The following ARHGAP20 variants were observed in gnomAD, a reference collection of about 807,000 sequenced individuals.
The protein encoded by ARHGAP20 is rho GTPase-activating protein 20.
ARHGAP20 carries 34 observed loss-of-function variants against 73.7 expected under a neutral mutation model. The ratio of observed to expected loss-of-function variants is 0.46; its 90% CI spans 0.35 to 0.61. The LOEUF (loss-of-function observed/expected upper bound fraction) is 0.61, where lower values mean the gene tolerates loss of function less well. Among genes scored for constraint, ARHGAP20 ranks in the 20% least tolerant of loss-of-function variants. ARHGAP20 has a pLI of 0.00. For missense variants in ARHGAP20, 1,314 were observed against 1,420.9 expected (o/e 0.92, Z 1.21); for synonymous variants, 523 against 518.2 (o/e 1.01, Z -0.13).
Position 110,580,874 on chromosome 11 carries a change from G to A in ARHGAP20, c.2072C>T (p.Ala691Val). 1.2e-6 allele frequency: 2 copies of A among 1,612,584 alleles called. No individual in the cohort carries two copies. Among genetic ancestry groups the A allele is most frequent in the Non-Finnish European group, 8.5e-7 (1 of 1,178,720 alleles). Reference sequence around the variant, plus strand: ...TCGCCTCAGGCTTTTTGCAGCATTTGCTGCAGCTGTGGACAGGTAGCTGGG... The same window carrying A: ...TCGCCTCAGGCTTTTTGCAGCATTTACTGCAGCTGTGGACAGGTAGCTGGG... ...CTPSYLSTAA[A>V]NAAKSLRRHR... The change falls in exon 15 of 15, where the codon GCA (alanine) becomes GTA (valine). Residue 691 changes from alanine to valine, a missense_variant. This residue lies in a region of ARHGAP20 where 641 missense variants were observed against 636.9 expected (regional missense o/e 1.01). Transcript: ENST00000683387.
chr11:110,619,867 T>G (rs1196515356), intron 4 of ARHGAP20, among the ~76,000 whole-genome samples: 1 of 152,168 alleles, frequency 6.6e-6, no homozygotes, highest in Non-Finnish European at 1.5e-5. Flanking sequence ...AAACTCCTTT[T>G]GGGCTTTTTT....
intron 9 of ARHGAP20, among the ~76,000 whole-genome samples, chr11:110,605,371 T>C (rs1045352510): frequency 2.0e-5 from 3 of 152,220 alleles, no homozygotes; most frequent in African/African-American, 4.8e-5. Context: ...AACAGGAAAA[T>C]AAGTTTCACA....
chr11:110,694,483 T>C (rs1950300183), intron 1 of ARHGAP20, among the ~76,000 whole-genome samples: 1 of 151,766 alleles, frequency 6.6e-6, no homozygotes, highest in African/African-American at 2.4e-5. Flanking sequence ...CATAACTGAA[T>C]ATGAGAACCA....
intron 2 of ARHGAP20, among the ~76,000 whole-genome samples, chr11:110,663,348 T>C (rs1949655756): frequency 6.7e-6 from 1 of 149,608 alleles, no homozygotes; most frequent in Non-Finnish European, 1.5e-5. Context: ...TATATAATAC[T>C]AATATATACA....
intron 9 of ARHGAP20, among the ~76,000 whole-genome samples, chr11:110,598,276 C>G (rs1373830989): frequency 6.6e-6 from 1 of 151,752 alleles, no homozygotes; most frequent in Admixed American, 6.5e-5. Flanking sequence ...AATTTCAATT[C>G]CAGTTCAGTC....
At position 110,577,738 on chromosome 11, in the gene ARHGAP20, A is replaced by G. The variant is rs1947325486; in HGVS notation, c.*1632T>C. ...TAGCTCTTTGGATACAGAGTTCTAA[A>G]AGATCATTGTAATGGTTAGCGCAAA... On this transcript the variant is annotated 3_prime_UTR_variant, in exon 15 of 15. Transcript: ENST00000683387. 1.0e-6 allele frequency: 1 copy of G among 985,792 alleles called. No individual in the cohort carries two copies. Among genetic ancestry groups the G allele is most frequent in the Non-Finnish European group, 1.2e-6 (1 of 829,976 alleles). 61.1% of individuals were successfully genotyped at this position (985,792 alleles called of 1,614,324 possible).
chr11:110,615,472 T>C, intron 5 of ARHGAP20, 81 bp downstream of exon 5: 3 of 1,321,072 alleles, frequency 2.3e-6, no homozygotes, highest in Non-Finnish European at 3.2e-6. Flanking sequence ...AGGGGAATAA[T>C]TTGGGGCACA....
intron 1 of ARHGAP20, among the ~76,000 whole-genome samples, chr11:110,710,943 A>G (rs1369076764): frequency 6.6e-6 from 1 of 151,604 alleles, no homozygotes; most frequent in African/African-American, 2.4e-5. Context: ...AGGAAAAGCT[A>G]GAAGATGCCT....
At chr11:110,593,240 A>G (rs1947872896) in intron 9 of ARHGAP20, among the ~76,000 whole-genome samples, 1 of 152,230 alleles carries the variant, frequency 6.6e-6, no homozygotes, top group Non-Finnish European at 1.5e-5. Flanking sequence ...AGAAAGGTCA[A>G]CAGTAAGGTA....
intron 1 of ARHGAP20, among the ~76,000 whole-genome samples, chr11:110,693,459 G>A (rs991048383): frequency 6.6e-6 from 1 of 151,906 alleles, no homozygotes; most frequent in East Asian, 1.9e-4. Flanking sequence ...AAGATTCACC[G>A]TGGATATGCA....
At chr11:110,668,618 C>T (rs1018584987) in intron 2 of ARHGAP20, among the ~76,000 whole-genome samples, 1 of 151,872 alleles carries the variant, frequency 6.6e-6, no homozygotes, top group African/African-American at 2.4e-5. Flanking sequence ...CACTGCACTC[C>T]AGCCTGGGCA....
intron 1 of ARHGAP20, among the ~76,000 whole-genome samples, chr11:110,699,802 A>G (rs989807965): frequency 5.9e-5 from 9 of 151,896 alleles, no homozygotes; most frequent in South Asian, 2.1e-4. Flanking sequence ...TTCCTCCCCT[A>G]TTCCTCCAGT....
rs564030387 is a variant in ARHGAP20, at chr11:110,624,370, A to T, written c.354-59T>A. ...TATTTTGTTTCTTAAATTTTATGGG[A>T]GCTTCTCTGGAAGGCATCATCCTCA... On this transcript the variant is annotated intron_variant, in intron 3 of 14. Transcript: ENST00000683387. The T allele has an allele frequency of 3.2e-5, 44 of 1,386,160 alleles. No individual in the cohort carries two copies. In the South Asian group the frequency reaches 5.7e-4, roughly 18 times the overall value. The allele number at this position is 1,386,160 out of a possible 1,614,324, so 85.9% of individuals were successfully genotyped here. A position where few individuals can be genotyped will look rare whatever the true frequency, so the allele number is the denominator to read the frequency against.
At chr11:110,682,237 GT>G (rs1950050716) in intron 2 of ARHGAP20, among the ~76,000 whole-genome samples, 1 of 152,092 alleles carries the variant, frequency 6.6e-6, no homozygotes, top group Non-Finnish European at 1.5e-5. Flanking sequence ...TCCTTCTGCT[GT>G]TACTACTGCT....
Position 110,577,737 on chromosome 11 carries a change from A to G in ARHGAP20, c.*1633T>C, listed in dbSNP as rs1369872724. The G allele has an allele frequency of 1.8e-5, 18 of 985,820 alleles. No homozygotes were observed. The highest frequency in any genetic ancestry group is 2.0e-5 in the Non-Finnish European group (17 of 829,982). The allele number at this position is 985,820 out of a possible 1,614,324, so 61.1% of individuals were successfully genotyped here. A position where few individuals can be genotyped will look rare whatever the true frequency, so the allele number is the denominator to read the frequency against. ...GTAGCTCTTTGGATACAGAGTTCTAAAAGATCATTGTAATGGTTAGCGCAA... is the reference window on the plus strand; with the variant it reads ...GTAGCTCTTTGGATACAGAGTTCTAGAAGATCATTGTAATGGTTAGCGCAA... On this transcript the variant is annotated 3_prime_UTR_variant, in exon 15 of 15. Coordinates refer to ENST00000683387, the MANE Select transcript of ARHGAP20 (RefSeq NM_001384657.1).
intron 11 of ARHGAP20, chr11:110,589,797 G>T: frequency 1.3e-6 from 1 of 796,128 alleles, no homozygotes; most frequent in Non-Finnish European, 1.5e-6. Context: ...AAACTTAGAT[G>T]CTGAAGTCAT....
At chr11:110,606,263 G>A (rs985211976) in intron 9 of ARHGAP20, among the ~76,000 whole-genome samples, 1 of 152,138 alleles carries the variant, frequency 6.6e-6, no homozygotes, top group Non-Finnish European at 1.5e-5. Flanking sequence ...GTACAAAGAA[G>A]GCATTGAAGC....
At chr11:110,663,683 T>C (rs1252172190) in intron 2 of ARHGAP20, among the ~76,000 whole-genome samples, 2 of 151,852 alleles carry the variant, frequency 1.3e-5, no homozygotes, top group East Asian at 3.9e-4. Flanking sequence ...ATGAAAGAAA[T>C]AAAACTAATT....
chr11:110,645,074 A>C (rs1470314579), intron 2 of ARHGAP20, among the ~76,000 whole-genome samples: 1 of 151,620 alleles, frequency 6.6e-6, no homozygotes, highest in African/African-American at 2.4e-5. Context: ...CAGTGGTGCA[A>C]TCATGGCTCA....
Sources: allele counts gnomAD v4.1 joint callset (sites outside exome capture counted in the v4.1 genomes callset), GRCh38; gene constraint gnomAD v4.1.1; regional missense constraint gnomAD v4.1.1; transcripts MANE v1.5; gene names NCBI Gene and HGNC (gene_info 2026-07-23, HGNC 2026-07-21).